Variants in TNFSF4 observed in about 807,000 individuals in gnomAD.
The protein encoded by TNFSF4 is TNF superfamily member 4.
A neutral mutation model predicts 7.3 loss-of-function variants in TNFSF4; 4 were observed. That is an observed-to-expected ratio of 0.55 (90% CI 0.27 to 1.25). TNFSF4 has a LOEUF of 1.25. Ranked by LOEUF, TNFSF4 falls within the 50% of genes most tolerant of loss-of-function variation. TNFSF4 has a pLI of 0.12. For missense variants in TNFSF4, 181 were observed against 208.8 expected, an observed-to-expected ratio of 0.87 and a Z score of 0.82; for synonymous variants, 76 against 83.7, an observed-to-expected ratio of 0.91 and a Z score of 0.50.
chr1:173,220,068 T>TA, the TNFSF4 span, among the ~76,000 whole-genome samples: 4,280 of 149,642 alleles, frequency 0.029, 64 homozygotes, highest in Admixed American at 0.056. Context: ...TTGTAAAGAC[T>TA]AAAAAAAAAA....
chr1:173,191,051 G>A (rs1649456041), intron 1 of TNFSF4, among the ~76,000 whole-genome samples: 1 of 152,170 alleles, frequency 6.6e-6, no homozygotes, highest in African/African-American at 2.4e-5. Flanking sequence ...TTCACTCCCT[G>A]ATCTAAAAGC....
At chr1:173,393,054 G>A in the TNFSF4 span, among the ~76,000 whole-genome samples, 5 of 152,268 alleles carry the variant, frequency 3.3e-5, no homozygotes, top group East Asian at 9.6e-4. Context: ...AACACTGAAG[G>A]AATCGAGGTG....
chr1:173,420,779 A>T, the TNFSF4 span, among the ~76,000 whole-genome samples: 1 of 152,226 alleles, frequency 6.6e-6, no homozygotes, highest in Non-Finnish European at 1.5e-5. Flanking sequence ...TAACTAATTT[A>T]CTAAGTCTTT....
the TNFSF4 span, among the ~76,000 whole-genome samples, chr1:173,266,876 T>G: frequency 3.0e-3 from 456 of 152,278 alleles, no homozygotes; most frequent in Non-Finnish European, 2.8e-3. Context: ...TATATGAAAT[T>G]GTTTGAATGG....
At chr1:173,293,664 C>A in the TNFSF4 span, among the ~76,000 whole-genome samples, 31 of 152,200 alleles carry the variant, frequency 2.0e-4, no homozygotes, top group Admixed American at 1.8e-3. Context: ...AAGAAACTAT[C>A]AACAGAGTCA....
the TNFSF4 span, among the ~76,000 whole-genome samples, chr1:173,219,033 G>A: frequency 1.3e-5 from 2 of 151,688 alleles, no homozygotes; most frequent in Admixed American, 1.3e-4. Flanking sequence ...TTTTTTTCAT[G>A]GAAAAACTGT....
At chr1:173,289,956 A>C in the TNFSF4 span, among the ~76,000 whole-genome samples, 5 of 152,174 alleles carry the variant, frequency 3.3e-5, no homozygotes, top group Non-Finnish European at 7.3e-5. Context: ...GGCTAAAAAA[A>C]AAAAATCTGA....
chr1:173,268,095 C>T, the TNFSF4 span, among the ~76,000 whole-genome samples: 1 of 152,062 alleles, frequency 6.6e-6, no homozygotes, highest in Admixed American at 6.6e-5. Context: ...GAAACAAAGA[C>T]ATCCTCAGAT....
At chr1:173,420,745 C>G in the TNFSF4 span, among the ~76,000 whole-genome samples, 1 of 152,130 alleles carries the variant, frequency 6.6e-6, no homozygotes, top group Non-Finnish European at 1.5e-5. Flanking sequence ...GAAAACCTCC[C>G]AAGTTGTTAA....
the TNFSF4 span, among the ~76,000 whole-genome samples, chr1:173,380,031 G>A: frequency 1.3e-5 from 2 of 152,190 alleles, no homozygotes; most frequent in Non-Finnish European, 2.9e-5. Flanking sequence ...TGACCATTGA[G>A]GGCCAGGAAA....
At chr1:173,442,385 A>C in the TNFSF4 span, among the ~76,000 whole-genome samples, 1 of 152,106 alleles carries the variant, frequency 6.6e-6, no homozygotes, top group Non-Finnish European at 1.5e-5. Flanking sequence ...AACCCCTTCA[A>C]AACAAAACCA....
the TNFSF4 span, among the ~76,000 whole-genome samples, chr1:173,431,543 T>C: frequency 8.7e-4 from 133 of 152,354 alleles, no homozygotes; most frequent in Non-Finnish European, 1.4e-3. Context: ...TCATCTGCCT[T>C]CAGTGAACCA....
the TNFSF4 span, among the ~76,000 whole-genome samples, chr1:173,307,141 T>A: frequency 6.6e-6 from 1 of 151,894 alleles, no homozygotes. Context: ...ATTTATTAAA[T>A]CAATTCATTC....
At chr1:173,383,199 A>G in the TNFSF4 span, among the ~76,000 whole-genome samples, 1 of 152,058 alleles carries the variant, frequency 6.6e-6, no homozygotes, top group African/African-American at 2.4e-5. Context: ...GTTGCTAAAC[A>G]CCTTACAGCC....
chr1:173,433,991 T>C, the TNFSF4 span, among the ~76,000 whole-genome samples: 1 of 152,192 alleles, frequency 6.6e-6, no homozygotes, highest in Non-Finnish European at 1.5e-5. Flanking sequence ...AGATGAGTTA[T>C]GCTGCCACAA....
chr1:173,258,700 T>TC, the TNFSF4 span, among the ~76,000 whole-genome samples: 3 of 152,046 alleles, frequency 2.0e-5, no homozygotes, highest in Non-Finnish European at 4.4e-5. Flanking sequence ...TGGAAGGAAT[T>TC]CCCCACAGGG....
downstream of TNFSF4, among the ~76,000 whole-genome samples, chr1:173,182,017 G>T (rs10127728): frequency 0.25 from 37,251 of 152,032 alleles, 6,874 homozygotes; most frequent in African/African-American, 0.52. Flanking sequence ...GTTGAAATCC[G>T]CAGGGACTAC....
the TNFSF4 span, among the ~76,000 whole-genome samples, chr1:173,242,515 T>C: frequency 3.3e-5 from 5 of 152,162 alleles, no homozygotes; most frequent in African/African-American, 7.2e-5. Context: ...CATTCTCCTG[T>C]GGTGGGCAGA....
chr1:173,200,430 C>G (rs748967955), intron 1 of TNFSF4, among the ~76,000 whole-genome samples: 54 of 152,208 alleles, frequency 3.5e-4, no homozygotes, highest in Non-Finnish European at 5.9e-4. Flanking sequence ...AACCTCCCTG[C>G]TACCCGTCCA....
Sources: gnomAD v4.1 joint callset for allele counts (sites outside exome capture counted in the v4.1 genomes callset) on GRCh38, gnomAD v4.1.1 for gene constraint, MANE v1.5 for transcripts, NCBI Gene and HGNC (gene_info 2026-07-23, HGNC 2026-07-21) for gene names.